Variants in ITPRID1 observed in about 807,000 individuals in gnomAD.
The protein encoded by ITPRID1 is protein ITPRID1.
Under a neutral mutation model 95.4 loss-of-function variants are expected in ITPRID1, and 96 were observed. The ratio of observed to expected loss-of-function variants is 1.01; its 90% CI spans 0.85 to 1.19. ITPRID1 has a LOEUF of 1.19. ITPRID1 is among the 50% of genes most tolerant of loss of function. ITPRID1 has a pLI of 0.00. For synonymous variants in ITPRID1, 510 were observed against 453.6 expected (o/e 1.12, Z -1.58); for missense variants, 1,339 against 1,252.9 (o/e 1.07, Z -1.04).
At chr7:31,587,111 T>A (rs1785648170) in intron 10 of ITPRID1, among the ~76,000 whole-genome samples, 1 of 152,190 alleles carries the variant, frequency 6.6e-6, no homozygotes, top group Non-Finnish European at 1.5e-5. Flanking sequence ...CCACTCCTTT[T>A]CAACATAGTG....
intron 1 of ITPRID1, among the ~76,000 whole-genome samples, chr7:31,548,250 A>C (rs969498992): frequency 6.6e-6 from 1 of 152,106 alleles, no homozygotes; most frequent in Admixed American, 6.6e-5. Flanking sequence ...AGCCATCTAC[A>C]TTGATAATGA....
chr7:31,569,887 G>T lies in ITPRID1; in HGVS notation c.308+78G>T, dbSNP rs138074779. The stretch of plus-strand genomic sequence containing the variant: ...TGCTGAATAAAATAGAAGTAGGGAA[G>T]TTTTCTTAATATTGCCATAGCTCTT... On this transcript the variant is annotated intron_variant, in intron 6 of 14. Transcript: ENST00000615280. 4.4e-4 allele frequency: 544 copies of T among 1,246,394 alleles called. 7 individuals are homozygous for T. In the East Asian group the frequency reaches 9.9e-3, roughly 23 times the overall value. The allele number at this position is 1,246,394 out of a possible 1,614,324, so 77.2% of individuals were successfully genotyped here.
intron 8 of ITPRID1, among the ~76,000 whole-genome samples, chr7:31,576,071 G>C (rs1785171833): frequency 6.6e-6 from 1 of 152,156 alleles, no homozygotes; most frequent in African/African-American, 2.4e-5. Context: ...TAGCATTTGA[G>C]CTGCTATGAA....
chr7:31,650,008 T>C (rs1475470500), intron 12 of ITPRID1, among the ~76,000 whole-genome samples: 1 of 152,048 alleles, frequency 6.6e-6, no homozygotes, highest in African/African-American at 2.4e-5. Flanking sequence ...TCACAAAGAA[T>C]TGGTCCATGT....
chr7:31,532,322 T>C (rs1783626334), intron 1 of ITPRID1, among the ~76,000 whole-genome samples: 1 of 152,182 alleles, frequency 6.6e-6, no homozygotes, highest in South Asian at 2.1e-4. Context: ...ATGACAGTTT[T>C]ATTTCTTCCT....
At chr7:31,630,668 A>G (rs781222224) in intron 10 of ITPRID1, among the ~76,000 whole-genome samples, 3 of 152,200 alleles carry the variant, frequency 2.0e-5, no homozygotes, top group Non-Finnish European at 2.9e-5. Context: ...ATTACAAACA[A>G]TAAGACTAAA....
intron 10 of ITPRID1, among the ~76,000 whole-genome samples, chr7:31,611,486 G>A (rs1786866665): frequency 1.3e-5 from 2 of 151,638 alleles, no homozygotes; most frequent in African/African-American, 4.8e-5. Context: ...CCCACCTGAA[G>A]GACTTTCATT....
At chr7:31,628,745 C>A (rs892620669) in intron 10 of ITPRID1, among the ~76,000 whole-genome samples, 1 of 152,108 alleles carries the variant, frequency 6.6e-6, no homozygotes, top group Non-Finnish European at 1.5e-5. Context: ...CTTGAGCCAC[C>A]GCGCCCGGCC....
chr7:31,642,710 C>A lies in ITPRID1; in HGVS notation c.1340C>A (p.Pro447His). Residue 447 changes from proline (P) to histidine (H), a missense_variant, in exon 12 of 15, where the codon CCT (proline) becomes CAT (histidine). Coordinates refer to ENST00000615280, the MANE Select transcript of ITPRID1 (RefSeq NM_001257967.3). ...CCTTCCTTGCCAAACAGCCAGAGTCCTGCTGAGAATGGAGGTAGAAAGCCA... is the reference window on the plus strand; with the variant it reads ...CCTTCCTTGCCAAACAGCCAGAGTCATGCTGAGAATGGAGGTAGAAAGCCA... ...QMPSLPNSQS[P>H]AENGGRKPRD... 1 of 1,613,918 alleles carries A rather than the reference C, an allele frequency of 6.2e-7. No individual in the cohort carries two copies. The highest frequency in any genetic ancestry group is 8.5e-7 in the Non-Finnish European group (1 of 1,179,870).
At position 31,643,375 on chromosome 7, in the gene ITPRID1, A is replaced by C. The variant is rs1790198872; in HGVS notation, c.2005A>C (p.Lys669Gln). The part of the protein sequence containing the change: ...TSEKLIPHLH[K>Q]LPGDPAQVKS... ...TGAAAAGCTCATTCCCCACCTCCAT[A>C]AACTGCCTGGAGATCCTGCCCAGGT... is the stretch of plus-strand genomic sequence containing the variant. The change falls in exon 12 of 15, where the codon AAA becomes CAA. Residue 669 changes from lysine (K) to glutamine (Q), a missense_variant. Lys to Gln is a moderately conservative substitution (Grantham distance 53). Transcript: ENST00000615280. The C allele has an allele frequency of 6.2e-7, 1 of 1,613,944 alleles. No homozygotes were observed.
chr7:31,554,618 T>A, intron 4 of ITPRID1, 95 bp downstream of exon 4: 1 of 1,453,796 alleles, frequency 6.9e-7, no homozygotes. Context: ...GTCGGGGAAG[T>A]GTAGGGATTT....
intron 10 of ITPRID1, among the ~76,000 whole-genome samples, chr7:31,590,885 G>T (rs181275481): frequency 1.3e-5 from 2 of 152,328 alleles, no homozygotes; most frequent in African/African-American, 2.4e-5. Flanking sequence ...TACTATTTCT[G>T]TGTATTAGAT....
Position 31,536,578 on chromosome 7 carries a change from T to C in ITPRID1, c.-97-12848T>C, listed in dbSNP as rs573694206. ...AATGTTATATATAAACCAAAAAAGATAAAAAACTGAAGTAAATATTTTTAT... is the reference window on the plus strand; with the variant it reads ...AATGTTATATATAAACCAAAAAAGACAAAAAACTGAAGTAAATATTTTTAT... On this transcript the variant is annotated intron_variant, in intron 1 of 14. Transcript: ENST00000615280. 8.9e-4 allele frequency among the ~76,000 whole-genome samples: 136 copies of C among 152,308 alleles called. 6 individuals are homozygous for C. In the South Asian group the frequency reaches 0.028, roughly 31 times the overall value.
intron 1 of ITPRID1, among the ~76,000 whole-genome samples, chr7:31,526,679 CTG>C (rs1259999910): frequency 1.3e-5 from 2 of 152,146 alleles, no homozygotes; most frequent in Admixed American, 6.6e-5. Context: ...AGTTGGAAAA[CTG>C]AGATCAATTT....
At chr7:31,528,495 A>G (rs914281412) in intron 1 of ITPRID1, among the ~76,000 whole-genome samples, 2 of 152,196 alleles carry the variant, frequency 1.3e-5, no homozygotes, top group African/African-American at 4.8e-5. Context: ...TACATGCCAC[A>G]GAGGAAAAGG....
At chr7:31,638,843 C>T (rs551491733) in intron 10 of ITPRID1, among the ~76,000 whole-genome samples, 11 of 152,274 alleles carry the variant, frequency 7.2e-5, no homozygotes, top group African/African-American at 2.6e-4. Flanking sequence ...GTGACCCAAT[C>T]TCAGCTTACT....
At chr7:31,598,176 T>C (rs1786167420) in intron 10 of ITPRID1, among the ~76,000 whole-genome samples, 1 of 152,146 alleles carries the variant, frequency 6.6e-6, no homozygotes, top group Admixed American at 6.5e-5. Context: ...TACAGAAGGA[T>C]ACATTTATGA....
chr7:31,588,388 T>C (rs1298199600), intron 10 of ITPRID1, among the ~76,000 whole-genome samples: 1 of 151,950 alleles, frequency 6.6e-6, no homozygotes, highest in Admixed American at 6.6e-5. Flanking sequence ...CCCAACACTT[T>C]GGGAGGCTGA....
chr7:31,652,761 G>A lies in ITPRID1; in HGVS notation c.3067G>A (p.Ala1023Thr), dbSNP rs773210193. ...GATGTCTCCTTCATCATCAGCTTGG[G>A]CAAAGTTAGGTCCAACCCCTTTGTC... Reference protein sequence around the residue: ...TRMSPSSSAWAKLGPTPLSNC... With the variant: ...TRMSPSSSAWTKLGPTPLSNC... Residue 1023 changes from alanine (A) to threonine (T), a missense_variant, in exon 15 of 15, where the codon GCA (alanine) becomes ACA (threonine). Transcript: ENST00000615280. 5.0e-6 allele frequency: 8 copies of A among 1,613,798 alleles called. No individual in the cohort carries two copies. In the Admixed American group the frequency reaches 8.3e-5, roughly 17 times the overall value.
Sources: gnomAD v4.1 joint callset for allele counts (sites outside exome capture counted in the v4.1 genomes callset) on GRCh38, gnomAD v4.1.1 for gene constraint, MANE v1.5 for transcripts, NCBI Gene and HGNC (gene_info 2026-07-23, HGNC 2026-07-21) for gene names.